LRRC9: variants seen among roughly 807,000 people sequenced by gnomAD.
The protein encoded by LRRC9 is leucine-rich repeat-containing protein 9.
LRRC9 carries 122 observed loss-of-function variants against 63.2 expected under a neutral mutation model. That is an observed-to-expected ratio of 1.93 (90% CI 1.67 to 2.24). The LOEUF (loss-of-function observed/expected upper bound fraction) is 2.24, where lower values mean the gene tolerates loss of function less well. Among genes scored for constraint, LRRC9 ranks in the 30% most tolerant of loss-of-function variants. LRRC9 has a pLI of 0.00. For synonymous variants in LRRC9, 366 were observed against 213.1 expected, an observed-to-expected ratio of 1.72 and a Z score of -6.25; for missense variants, 1,071 against 627.7, an observed-to-expected ratio of 1.71 and a Z score of -7.55.
chr14:59,952,801 C>T (rs1275574366), intron 8 of LRRC9, among the ~76,000 whole-genome samples: 2 of 152,094 alleles, frequency 1.3e-5, no homozygotes, highest in Non-Finnish European at 2.9e-5. Context: ...AATGCTCTCC[C>T]TCCCCTTGCC....
intron 13 of LRRC9, among the ~76,000 whole-genome samples, chr14:59,975,594 A>G (rs547377138): frequency 9.8e-4 from 149 of 152,284 alleles, no homozygotes; most frequent in Middle Eastern, 3.4e-3. Context: ...TAGTTCCACA[A>G]GTATTTATTG....
intron 9 of LRRC9, among the ~76,000 whole-genome samples, chr14:59,960,599 C>T (rs532315300): frequency 1.2e-4 from 19 of 152,228 alleles, no homozygotes; most frequent in African/African-American, 4.3e-4. Context: ...ATAAGGACTA[C>T]GAATATTGCC....
At chr14:59,992,958 G>T (rs558152443) in intron 17 of LRRC9, among the ~76,000 whole-genome samples, 2 of 151,998 alleles carry the variant, frequency 1.3e-5, no homozygotes, top group East Asian at 3.9e-4. Flanking sequence ...TACAGAGAAC[G>T]CCACAAAGAT....
chr14:60,039,951 C>G (rs1892799935), intron 29 of LRRC9, among the ~76,000 whole-genome samples: 1 of 151,988 alleles, frequency 6.6e-6, no homozygotes, highest in African/African-American at 2.4e-5. Context: ...CCCAGAGATT[C>G]TGGTATGTTG....
At chr14:59,959,545 G>A (rs1193320114) in intron 8 of LRRC9, among the ~76,000 whole-genome samples, 1 of 152,118 alleles carries the variant, frequency 6.6e-6, no homozygotes, top group African/African-American at 2.4e-5. Flanking sequence ...CTGTTGCTTT[G>A]CTTATTTTCA....
At chr14:59,960,080 T>A in intron 9 of LRRC9, 66 bp downstream of exon 9, 2 of 574,356 alleles carry the variant, frequency 3.5e-6, no homozygotes, top group South Asian at 4.5e-5. Context: ...TTTTGGGCCA[T>A]CAGTTGACCC....
At chr14:59,995,936 T>C (rs1304909837) in intron 17 of LRRC9, among the ~76,000 whole-genome samples, 1 of 151,906 alleles carries the variant, frequency 6.6e-6, no homozygotes, top group Admixed American at 6.6e-5. Context: ...AGAGATGGGG[T>C]TTCACCATGT....
Position 60,009,404 on chromosome 14 carries a change from C to G in LRRC9, c.3186+1190C>G, listed in dbSNP as rs138326079. On this transcript the variant is annotated intron_variant, in intron 23 of 31. Coordinates refer to ENST00000445360, the Ensembl canonical transcript of LRRC9. ...GCAAGAGAGCATGTGCAAAGGAACTCCCCTTTATAAAACCATCAGATCTCA... is the reference window on the plus strand; with the variant it reads ...GCAAGAGAGCATGTGCAAAGGAACTGCCCTTTATAAAACCATCAGATCTCA... Among the ~76,000 whole-genome samples the G allele has an allele frequency of 4.9e-3, 750 of 152,282 alleles. 3 individuals are homozygous for G. The highest frequency in any genetic ancestry group is 0.017 in the African/African-American group (715 of 41,562).
rs1887446446 is a variant in LRRC9 at position 59,986,143 on chromosome 14, T to G, written c.2211+919T>G. Among the ~76,000 whole-genome samples, 1 of 152,196 alleles carries G rather than the reference T, an allele frequency of 6.6e-6. No individual in the cohort carries two copies. Among genetic ancestry groups the G allele is most frequent in the Non-Finnish European group, 1.5e-5 (1 of 68,020 alleles). The stretch of plus-strand genomic sequence containing the variant: ...CTTGTTGAATTTGTGTTTGCCTTCT[T>G]GTATATCATAGGACAATACAGGAAT... On this transcript the variant is annotated intron_variant, in intron 17 of 31. Transcript: ENST00000445360. This position sits in a 1 kb window ranked among gnomAD's most constrained non-coding sequence, Gnocchi z 4.7.
intron 29 of LRRC9, among the ~76,000 whole-genome samples, chr14:60,037,968 T>G (rs1252135822): frequency 6.6e-6 from 1 of 152,366 alleles, no homozygotes; most frequent in South Asian, 2.1e-4. Flanking sequence ...GGATCCAGTT[T>G]CAGCTTTCTC....
chr14:59,998,201 TAC>T (rs1240369753), intron 18 of LRRC9, among the ~76,000 whole-genome samples: 2 of 152,022 alleles, frequency 1.3e-5, no homozygotes, highest in African/African-American at 2.4e-5. Flanking sequence ...AATAATATAA[TAC>T]AGTGAGAGGG....
At chr14:59,961,086 T>C (rs1312465510) in intron 10 of LRRC9, 41 bp downstream of exon 10, 1 of 576,634 alleles carries the variant, frequency 1.7e-6, no homozygotes, top group Non-Finnish European at 3.1e-6. Flanking sequence ...AAAAATAACT[T>C]AAGTACTTAG....
intron 29 of LRRC9, among the ~76,000 whole-genome samples, chr14:60,036,077 G>C (rs1271245987): frequency 6.6e-6 from 1 of 152,056 alleles, no homozygotes. Flanking sequence ...GGGAAGGGTT[G>C]GATGTGAAGA....
At position 59,962,603 on chromosome 14, in the gene LRRC9, A is replaced by T. The variant is rs1262906555; in HGVS notation, c.1211+1558A>T. Among the ~76,000 whole-genome samples, 1 of 152,116 alleles carries T rather than the reference A, an allele frequency of 6.6e-6. No homozygotes were observed. Among genetic ancestry groups the T allele is most frequent in the African/African-American group, 2.4e-5 (1 of 41,430 alleles). ...TTTTTAGTGGAGACGGGGTTTTGCC[A>T]TGTTGGCCAGGCTGGTCTCAAACTC... On this transcript the variant is annotated intron_variant, in intron 10 of 31. Transcript: ENST00000445360. This position sits in a 1 kb window ranked among gnomAD's most constrained non-coding sequence, Gnocchi z 5.1.
Position 59,977,898 on chromosome 14 carries a change from CAAT to C in LRRC9, c.1763-114_1763-112del, listed in dbSNP as rs530278885. ...ATTTAAAAATGAAAGAAAAAATCTTCAATAATATAACTGTTGCAACTTATTGAG... is the reference window on the plus strand; with the variant it reads ...ATTTAAAAATGAAAGAAAAAATCTTCAATATAACTGTTGCAACTTATTGAG... On this transcript the variant is annotated intron_variant, in intron 14 of 31. Transcript: ENST00000445360. The C allele has an allele frequency of 1.3e-3, 652 of 493,586 alleles. 5 individuals are homozygous for C. The highest frequency in any genetic ancestry group is 0.012 in the African/African-American group (601 of 51,174). The allele number at this position is 493,586 out of a possible 1,614,324, so 30.6% of individuals were successfully genotyped here. A position where few individuals can be genotyped will look rare whatever the true frequency, so the allele number is the denominator to read the frequency against.
At chr14:60,026,310 T>C (rs1452720226) in intron 27 of LRRC9, among the ~76,000 whole-genome samples, 1 of 152,138 alleles carries the variant, frequency 6.6e-6, no homozygotes, top group Non-Finnish European at 1.5e-5. Flanking sequence ...AAAGCCATTT[T>C]TACTGGGGTG....
chr14:60,007,334 T>C (rs946978957), intron 22 of LRRC9, among the ~76,000 whole-genome samples: 29 of 152,218 alleles, frequency 1.9e-4, no homozygotes, highest in African/African-American at 7.0e-4. Context: ...TTTCACATTA[T>C]GATGCACAGT....
At chr14:59,984,318 A>G (rs1887233257) in intron 16 of LRRC9, among the ~76,000 whole-genome samples, 1 of 152,220 alleles carries the variant, frequency 6.6e-6, no homozygotes, top group African/African-American at 2.4e-5. Flanking sequence ...TGTCCACAAT[A>G]TAAGGCATAA....
chr14:60,000,027 A>G (rs1200673765), intron 19 of LRRC9, among the ~76,000 whole-genome samples: 1 of 152,130 alleles, frequency 6.6e-6, no homozygotes, highest in Admixed American at 6.6e-5. Context: ...CAATAGCGAA[A>G]TCACAGAATC....
Sources: allele counts gnomAD v4.1 joint callset (sites outside exome capture counted in the v4.1 genomes callset), GRCh38; gene constraint gnomAD v4.1.1; non-coding constraint Gnocchi (gnomAD v3.1); transcripts MANE v1.5; gene names NCBI Gene and HGNC (gene_info 2026-07-23, HGNC 2026-07-21).